Variants in SLCO3A1 observed in about 807,000 individuals in gnomAD.
SLCO3A1 encodes the protein solute carrier organic anion transporter family member 3A1.
In SLCO3A1, 27 loss-of-function variants were observed where a neutral mutation model predicts 63.1. The ratio of observed to expected loss-of-function variants is 0.43; its 90% CI spans 0.32 to 0.59. The LOEUF (loss-of-function observed/expected upper bound fraction) is 0.59, where lower values mean the gene tolerates loss of function less well. SLCO3A1 is among the 20% of genes least tolerant of loss of function. The probability of loss-of-function intolerance (pLI) is 0.09; values close to 1 mark genes in which losing one functional copy is unlikely to be tolerated. For synonymous variants in SLCO3A1, 473 were observed against 409.9 expected (o/e 1.15, Z -1.86); for missense variants, 773 against 945.8 (o/e 0.82, Z 2.40).
In SLCO3A1 at chr15:91,968,394, CAG is replaced by C. The variant is rs1900736071; in HGVS notation, c.646+51941_646+51942del. On this transcript the variant is annotated intron_variant, in intron 2 of 9. Transcript: ENST00000318445. The surrounding 1 kb of genome is among the most constrained non-coding windows in gnomAD (Gnocchi z 4.2). ...TGAGTTCTGCTTGGACTGGTAAGCACAGAGAGTGAGTCATAGAGTGGCCCTCT... is the reference window on the plus strand; with the variant it reads ...TGAGTTCTGCTTGGACTGGTAAGCACAGAGTGAGTCATAGAGTGGCCCTCT... Among the ~76,000 whole-genome samples the C allele has an allele frequency of 6.6e-6, 1 of 151,984 alleles. No homozygotes were observed. The highest frequency in any genetic ancestry group is 1.5e-5 in the Non-Finnish European group (1 of 68,034).
intron 2 of SLCO3A1, among the ~76,000 whole-genome samples, chr15:91,995,196 G>A (rs923003983): frequency 6.6e-6 from 1 of 152,150 alleles, no homozygotes; most frequent in African/African-American, 2.4e-5. Context: ...GGATGTGGGT[G>A]GTGATTTACG....
chr15:91,891,670 C>T (rs1349541768), intron 1 of SLCO3A1, among the ~76,000 whole-genome samples: 3 of 152,182 alleles, frequency 2.0e-5, no homozygotes, highest in Admixed American at 2.0e-4. Flanking sequence ...GTTTCTTTGA[C>T]TTTGGGGTTT....
At chr15:92,146,312 C>T (rs1291263022) in intron 7 of SLCO3A1, among the ~76,000 whole-genome samples, 1 of 152,184 alleles carries the variant, frequency 6.6e-6, no homozygotes, top group Non-Finnish European at 1.5e-5. Context: ...GAAATGCAGT[C>T]ACTTTTCTTT....
At chr15:91,870,923 A>C (rs1248301938) in intron 1 of SLCO3A1, among the ~76,000 whole-genome samples, 5 of 150,844 alleles carry the variant, frequency 3.3e-5, no homozygotes, top group African/African-American at 4.9e-5. Flanking sequence ...GATGTATTGA[A>C]CTCATATTCT....
chr15:92,120,095 AT>A (rs978818844), intron 4 of SLCO3A1, among the ~76,000 whole-genome samples: 3 of 150,840 alleles, frequency 2.0e-5, no homozygotes, highest in East Asian at 1.9e-4. Context: ...ACACACACAC[AT>A]TTTTTTTTCT....
At chr15:91,893,017 T>C (rs1394409933) in intron 1 of SLCO3A1, among the ~76,000 whole-genome samples, 2 of 152,232 alleles carry the variant, frequency 1.3e-5, no homozygotes, top group Non-Finnish European at 2.9e-5. Context: ...ATAAGGATTC[T>C]TCAATGCATA....
At chr15:92,131,071 C>A (rs1232937287) in intron 7 of SLCO3A1, among the ~76,000 whole-genome samples, 1 of 151,978 alleles carries the variant, frequency 6.6e-6, no homozygotes, top group Non-Finnish European at 1.5e-5. Context: ...CTCCCAGCAC[C>A]CTTGGGAAAT....
intron 2 of SLCO3A1, among the ~76,000 whole-genome samples, chr15:91,989,156 G>A (rs1194932867): frequency 2.0e-5 from 3 of 152,196 alleles, no homozygotes; most frequent in Admixed American, 6.5e-5. Context: ...CTTCGCATAA[G>A]TGTCCTCTAT....
chr15:92,080,315 G>C (rs1008692970), intron 2 of SLCO3A1, among the ~76,000 whole-genome samples: 3 of 151,934 alleles, frequency 2.0e-5, no homozygotes, highest in Admixed American at 6.5e-5. Context: ...TGGAAAAGGT[G>C]ATTTTTGTGT....
chr15:91,943,452 G>T (rs6496879), intron 2 of SLCO3A1, among the ~76,000 whole-genome samples: 16,701 of 152,128 alleles, frequency 0.11, 1,162 homozygotes, highest in African/African-American at 0.19. Context: ...TTTCATTGTA[G>T]GTGTAAACCA....
At chr15:92,137,012 G>A (rs1046964403) in intron 7 of SLCO3A1, among the ~76,000 whole-genome samples, 2 of 139,380 alleles carry the variant, frequency 1.4e-5, no homozygotes, top group Non-Finnish European at 3.0e-5. Context: ...TAGGGTACAT[G>A]TGCACATTAT....
At chr15:92,122,760 G>A (rs932655097) in intron 5 of SLCO3A1, among the ~76,000 whole-genome samples, 1 of 152,152 alleles carries the variant, frequency 6.6e-6, no homozygotes, top group African/African-American at 2.4e-5. Context: ...CAACCCAAAT[G>A]TCCGTCAATG....
chr15:92,017,288 G>C (rs61295725), intron 2 of SLCO3A1, among the ~76,000 whole-genome samples: 15 of 151,862 alleles, frequency 9.9e-5, no homozygotes, highest in African/African-American at 2.4e-4. Flanking sequence ...CTGGGATTGG[G>C]GGGGGGTAGG....
chr15:92,082,284 C>T (rs79463858), intron 2 of SLCO3A1, among the ~76,000 whole-genome samples: 9,093 of 152,210 alleles, frequency 0.06, 663 homozygotes, highest in East Asian at 0.26. Context: ...AACTTTGAGC[C>T]TGCAGATTTA....
At chr15:92,025,307 A>T (rs1343363872) in intron 2 of SLCO3A1, among the ~76,000 whole-genome samples, 1 of 152,124 alleles carries the variant, frequency 6.6e-6, no homozygotes, top group Non-Finnish European at 1.5e-5. Flanking sequence ...AAGGTAAGCC[A>T]AGCCAATCCC....
chr15:91,889,102 A>G, intron 1 of SLCO3A1: 1 of 1,222,312 alleles, frequency 8.2e-7, no homozygotes, highest in Non-Finnish European at 1.1e-6. Context: ...TTATTACAGA[A>G]TAAATATATT....
At chr15:92,065,448 A>G (rs962451216) in intron 2 of SLCO3A1, among the ~76,000 whole-genome samples, 1 of 152,176 alleles carries the variant, frequency 6.6e-6, no homozygotes, top group Non-Finnish European at 1.5e-5. Context: ...CATGTACCCT[A>G]TAAATGTGTA....
intron 4 of SLCO3A1, among the ~76,000 whole-genome samples, chr15:92,113,301 C>A (rs1263868464): frequency 6.6e-6 from 1 of 152,002 alleles, no homozygotes; most frequent in Non-Finnish European, 1.5e-5. Flanking sequence ...TTTAAACTGG[C>A]TAATGGGCAG....
intron 2 of SLCO3A1, among the ~76,000 whole-genome samples, chr15:91,969,083 G>A (rs373892230): frequency 1.8e-3 from 270 of 152,250 alleles, no homozygotes; most frequent in African/African-American, 6.2e-3. Flanking sequence ...CTGTGTCCCC[G>A]CTACACACTT....
Sources: gnomAD v4.1 joint callset for allele counts (sites outside exome capture counted in the v4.1 genomes callset) on GRCh38, gnomAD v4.1.1 for gene constraint, Gnocchi (gnomAD v3.1) non-coding constraint, MANE v1.5 for transcripts, NCBI Gene and HGNC (gene_info 2026-07-23, HGNC 2026-07-21) for gene names.